Variants in EPN1 observed in about 807,000 individuals in gnomAD.
EPN1 encodes epsin-1.
In EPN1, 25 loss-of-function variants were observed where a neutral mutation model predicts 56.9. The ratio of observed to expected loss-of-function variants is 0.44; its 90% confidence interval spans 0.32 to 0.61. The LOEUF is 0.61. Ranked by LOEUF, EPN1 falls within the 20% of genes least tolerant of loss-of-function variation. EPN1 has a pLI of 0.05. For synonymous variants in EPN1, 411 were observed against 361.8 expected, an observed-to-expected ratio of 1.14 and a Z score of -1.54; for missense variants, 785 against 823.7, an observed-to-expected ratio of 0.95 and a Z score of 0.58.
chr19:55,688,914 C>T lies in EPN1; in HGVS notation c.523C>T (p.Gln175Ter). 1 of 1,586,918 alleles carries T rather than the reference C, an allele frequency of 6.3e-7. No homozygotes were observed. The highest frequency in any genetic ancestry group is 2.3e-5 in the East Asian group (1 of 43,670). Residue 175 changes from glutamine to a stop codon, truncating the protein, a stop_gained, in exon 4 of 11, where the codon CAG (glutamine) becomes TAG (stop). Coordinates refer to ENST00000270460, the MANE Select transcript of EPN1 (RefSeq NM_001130072.2). LOFTEE classifies it high-confidence loss of function. ...VGSGPPPEAE[Q>*]AWPQSSGEEE... ...CTCAGGCCCCCCTCCCGAGGCGGAG[C>T]AGGCGTGGCCGCAGAGCAGCGGGGA...
Position 55,708,941 on chromosome 19 carries a change from C to T in EPN1, c.*13585C>T. ...AGGAGCACACCCCTGATCTTGTATT[C>T]CTCGTCAATCCAAGGTCCATGTGAA... is the stretch of plus-strand genomic sequence containing the variant. On this transcript the variant is annotated 3_prime_UTR_variant, in exon 11 of 11. Transcript: ENST00000270460. 6.4e-7 allele frequency: 1 copy of T among 1,569,166 alleles called. No homozygotes were observed. The highest frequency in any genetic ancestry group is 8.6e-7 in the Non-Finnish European group (1 of 1,162,984).
In EPN1 at chr19:55,695,019, T is replaced by C; in HGVS notation, c.1522+36T>C. 2 of 1,562,870 alleles carry C rather than the reference T, an allele frequency of 1.3e-6. No individual in the cohort carries two copies. The highest frequency in any genetic ancestry group is 1.2e-5 in the South Asian group (1 of 85,488). ...GCCCATCACCTGCTCAAGTCCTTCC[T>C]GTGGGTTCCACCAGAGGAGGTGCCT... On this transcript the variant is annotated intron_variant, in intron 10 of 10. Transcript: ENST00000270460. The surrounding 1 kb of genome is among the most constrained non-coding windows in gnomAD (Gnocchi z 4.4).
intron 1 of EPN1, among the ~76,000 whole-genome samples, chr19:55,675,677 C>T (rs908787786): frequency 5.9e-5 from 9 of 152,146 alleles, no homozygotes; most frequent in Admixed American, 2.6e-4. Context: ...TTTCAGTGAA[C>T]TTAGAAAAGG....
In EPN1 at chr19:55,699,090, G is replaced by A. The variant is rs1157306717; in HGVS notation, c.*3734G>A. The A allele has an allele frequency of 1.3e-5, 2 of 152,102 alleles. No individual in the cohort carries two copies. Among genetic ancestry groups the A allele is most frequent in the African/African-American group, 2.4e-5 (1 of 41,394 alleles). 9.4% of individuals were successfully genotyped at this position (152,102 alleles called of 1,614,324 possible). On this transcript the variant is annotated 3_prime_UTR_variant, in exon 11 of 11. Transcript: ENST00000270460. Reference sequence around the variant, plus strand: ...TTTTTTATTATACTTTAAGTTCTAGGGTACCTATGCACAACGCGCAGGTTT... The same window carrying A: ...TTTTTTATTATACTTTAAGTTCTAGAGTACCTATGCACAACGCGCAGGTTT...
Position 55,689,874 on chromosome 19 carries a change from G to A in EPN1, c.686G>A (p.Arg229Gln), listed in dbSNP as rs772556000. ...LSREEHDKEE[R>Q]IRRGDDLRLQ... ...GTGCCCGTGCCCCAACAGGAGGAGCGGATCCGTCGCGGGGATGACCTGCGG... is the reference window on the plus strand; with the variant it reads ...GTGCCCGTGCCCCAACAGGAGGAGCAGATCCGTCGCGGGGATGACCTGCGG... Residue 229 changes from arginine to glutamine, a missense_variant, in exon 6 of 11, where the codon CGG (arginine) becomes CAG (glutamine). Physicochemically the swap from Arg to Gln is conservative, Grantham distance 43. Around this residue, in one of 2 missense-constraint regions of EPN1, gnomAD observed 650 missense variants for 605.0 expected, o/e 1.07. Coordinates refer to ENST00000270460, the MANE Select transcript of EPN1 (RefSeq NM_001130072.2). This position sits in a 1 kb window ranked among gnomAD's most constrained non-coding sequence, Gnocchi z 5.7. 31 of 1,601,962 alleles carry A rather than the reference G, an allele frequency of 1.9e-5. No individual in the cohort carries two copies. The highest frequency in any genetic ancestry group is 2.5e-5 in the Non-Finnish European group (29 of 1,174,750).
Position 55,694,966 on chromosome 19 carries a change from A to T in EPN1, c.1505A>T (p.Asn502Ile). ...GPTPPGAKAS[N>I]PFLPGGGPAT... ...ACGCCGCCTGGAGCCAAGGCCTCCA[A>T]CCCCTTCCTGCCAGGCGGTGAGTGT... The change falls in exon 10 of 11, where the codon AAC (asparagine) becomes ATC (isoleucine). Residue 502 changes from asparagine (N) to isoleucine (I), a missense_variant. By Grantham distance (149) the Asn-to-Ile change is moderately radical. This residue lies in a region of EPN1 where 650 missense variants were observed against 605.0 expected (regional missense o/e 1.07). Coordinates refer to ENST00000270460, the MANE Select transcript of EPN1 (RefSeq NM_001130072.2). This position sits in a 1 kb window ranked among gnomAD's most constrained non-coding sequence, Gnocchi z 4.2. 1 of 1,556,794 alleles carries T rather than the reference A, an allele frequency of 6.4e-7. No homozygotes were observed. The highest frequency in any genetic ancestry group is 8.7e-7 in the Non-Finnish European group (1 of 1,151,804).
chr19:55,704,543 A>C lies in EPN1; in HGVS notation c.*9187A>C, dbSNP rs759040181. On this transcript the variant is annotated 3_prime_UTR_variant, in exon 11 of 11. Coordinates refer to ENST00000270460, the MANE Select transcript of EPN1 (RefSeq NM_001130072.2). ...CCTTCATCTTGAATTTCTGGTTTCCAGAACTGTGAGAAAATCCATTGACGT... is the reference window on the plus strand; with the variant it reads ...CCTTCATCTTGAATTTCTGGTTTCCCGAACTGTGAGAAAATCCATTGACGT... 1 of 152,220 alleles carries C rather than the reference A, an allele frequency of 6.6e-6. No individual in the cohort carries two copies. The highest frequency in any genetic ancestry group is 1.9e-4 in the East Asian group (1 of 5,184). The allele number at this position is 152,220 out of a possible 1,614,324, so 9.4% of individuals were successfully genotyped here. A position where few individuals can be genotyped will look rare whatever the true frequency, so the allele number is the denominator to read the frequency against.
Position 55,678,596 on chromosome 19 carries a change from C to G in EPN1, c.-32C>G. The G allele has an allele frequency of 6.3e-7, 1 of 1,583,668 alleles. No homozygotes were observed. The highest frequency in any genetic ancestry group is 1.3e-5 in the African/African-American group (1 of 74,346). ...CGCCCCATCTCTCCACGCATCGGGG[C>G]CCTGTGCCCCTTGCTGCTGCAGCCG... On this transcript the variant is annotated 5_prime_UTR_variant, in exon 2 of 11. Coordinates refer to ENST00000270460, the MANE Select transcript of EPN1 (RefSeq NM_001130072.2).
At chr19:55,690,745 A>G (rs1405851728) in intron 6 of EPN1, among the ~76,000 whole-genome samples, 1 of 152,110 alleles carries the variant, frequency 6.6e-6, no homozygotes, top group Non-Finnish European at 1.5e-5. Context: ...GGCCAGCCCA[A>G]GTTTGAGGGG....
chr19:55,701,950 C>A lies in EPN1; in HGVS notation c.*6594C>A, dbSNP rs902563669. The stretch of plus-strand genomic sequence containing the variant: ...ATCGAGCAGAGTCTCTAGCAGCCCC[C>A]ACCCCATTCTTTTTTTTTTTTTTTT... On this transcript the variant is annotated 3_prime_UTR_variant, in exon 11 of 11. Transcript: ENST00000270460. 2 of 140,430 alleles carry A rather than the reference C, an allele frequency of 1.4e-5. No individual in the cohort carries two copies. Among genetic ancestry groups the A allele is most frequent in the Non-Finnish European group, 3.0e-5 (2 of 65,908 alleles). The allele number at this position is 140,430 out of a possible 1,614,324, so 8.7% of individuals were successfully genotyped here.
chr19:55,684,827 C>T (rs1435036745), intron 2 of EPN1, among the ~76,000 whole-genome samples: 1 of 152,260 alleles, frequency 6.6e-6, no homozygotes. Flanking sequence ...AGACAGGGCT[C>T]CAGGATGCCA....
At chr19:55,678,893 G>A (rs1985615659) in intron 2 of EPN1, 38 bp downstream of exon 2, 2 of 1,478,424 alleles carry the variant, frequency 1.4e-6, no homozygotes, top group African/African-American at 1.4e-5. Context: ...AGGTGCAGGG[G>A]CTCAGGTGGG....
intron 3 of EPN1, among the ~76,000 whole-genome samples, chr19:55,686,803 G>A (rs1478237709): frequency 3.3e-5 from 5 of 152,000 alleles, no homozygotes. Flanking sequence ...TCAGCTCGAG[G>A]CAGGCAGGCA....
chr19:55,691,058 G>A lies in EPN1; in HGVS notation c.763-696G>A, dbSNP rs1377904352. Among the ~76,000 whole-genome samples the A allele has an allele frequency of 6.6e-6, 1 of 152,164 alleles. No homozygotes were observed. Among genetic ancestry groups the A allele is most frequent in the Non-Finnish European group, 1.5e-5 (1 of 68,040 alleles). ...AGATGTGTGCATGAGTATGTTGGGG[G>A]CATCTGCACGTTCTGAGACGGGCTC... On this transcript the variant is annotated intron_variant, in intron 6 of 10. Coordinates refer to ENST00000270460, the MANE Select transcript of EPN1 (RefSeq NM_001130072.2). The surrounding 1 kb of genome is among the most constrained non-coding windows in gnomAD (Gnocchi z 5.6).
intron 2 of EPN1, among the ~76,000 whole-genome samples, chr19:55,680,154 C>T (rs1445649042): frequency 6.6e-6 from 1 of 152,192 alleles, no homozygotes; most frequent in East Asian, 1.9e-4. Flanking sequence ...CCTCCAGTGC[C>T]AGGCGGGGCT....
rs1336557531 is a variant in EPN1 at position 55,694,392 on chromosome 19, A to G, written c.1265-334A>G. On this transcript the variant is annotated intron_variant, in intron 9 of 10. Coordinates refer to ENST00000270460, the MANE Select transcript of EPN1 (RefSeq NM_001130072.2). This position sits in a 1 kb window ranked among gnomAD's most constrained non-coding sequence, Gnocchi z 4.2. ...CCTCTGAGCCTGGAGGCACCTGTGAACACGCCCCCGCTGCCTTCCCCCGCG... is the reference window on the plus strand; with the variant it reads ...CCTCTGAGCCTGGAGGCACCTGTGAGCACGCCCCCGCTGCCTTCCCCCGCG... 3.7e-6 allele frequency: 1 copy of G among 272,858 alleles called. No homozygotes were observed. Among genetic ancestry groups the G allele is most frequent in the East Asian group, 6.4e-5 (1 of 15,518 alleles). 16.9% of individuals were successfully genotyped at this position (272,858 alleles called of 1,614,324 possible).
chr19:55,685,165 G>A (rs1986081709), intron 2 of EPN1, among the ~76,000 whole-genome samples: 1 of 152,260 alleles, frequency 6.6e-6, no homozygotes, highest in African/African-American at 2.4e-5. Context: ...GCTGGCGTCT[G>A]TCGCTGAGCG....
chr19:55,682,473 C>T (rs1006576673), intron 2 of EPN1, among the ~76,000 whole-genome samples: 2 of 152,036 alleles, frequency 1.3e-5, no homozygotes, highest in African/African-American at 2.4e-5. Context: ...GGCTGGAGTG[C>T]GTTGACATGT....
Position 55,688,087 on chromosome 19 carries a change from C to T in EPN1, c.479-783C>T, listed in dbSNP as rs375568590. ...GAGGGCGGGGCAGGAGAGGCAGGGT[C>T]CGCCCTGGGGCTTTGGAGGCTGGGG... On this transcript the variant is annotated intron_variant, in intron 3 of 10. Coordinates refer to ENST00000270460, the MANE Select transcript of EPN1 (RefSeq NM_001130072.2). Among the ~76,000 whole-genome samples, 10 of 152,298 alleles carry T rather than the reference C, an allele frequency of 6.6e-5. 1 individual carries two copies. In the South Asian group the frequency reaches 2.1e-3, roughly 32 times the overall value.
Sources: allele counts gnomAD v4.1 joint callset (sites outside exome capture counted in the v4.1 genomes callset), GRCh38; gene constraint gnomAD v4.1.1; regional missense constraint gnomAD v4.1.1; non-coding constraint Gnocchi (gnomAD v3.1); transcripts MANE v1.5; gene names NCBI Gene and HGNC (gene_info 2026-07-23, HGNC 2026-07-21).